XG: variants seen among roughly 807,000 people sequenced by gnomAD.
The protein encoded by XG is Xg glycoprotein (Xg blood group), also known as glycoprotein Xg.
Under a neutral mutation model 25.7 loss-of-function variants are expected in XG, and 24 were observed. The observed-to-expected ratio is 0.93, with a 90% CI of 0.68 to 1.31. The LOEUF is 1.31. Among genes scored for constraint, XG ranks in the 40% most tolerant of loss-of-function variants. The probability of loss-of-function intolerance (pLI) is 0.00; values close to 1 mark genes in which losing one functional copy is unlikely to be tolerated. For missense variants in XG, 181 were observed against 187.6 expected (o/e 0.96, Z 0.21); for synonymous variants, 77 against 69.2 (o/e 1.11, Z -0.56).
chrX:2,779,344 A>C (rs1191083127), intron 3 of XG, among the ~76,000 whole-genome samples: 7 of 151,808 alleles, frequency 4.6e-5, no homozygotes, highest in African/African-American at 1.4e-4. Flanking sequence ...AAAAAAAAAA[A>C]AAAAGCATAA....
intron 1 of XG, among the ~76,000 whole-genome samples, chrX:2,770,236 A>G (rs2050787081): frequency 1.3e-5 from 2 of 151,060 alleles, no homozygotes; most frequent in South Asian, 4.2e-4. Flanking sequence ...ATATTGTAGA[A>G]TTCTATTTAT....
chrX:2,797,308 A>T lies in XG; in HGVS notation c.323-2A>T, dbSNP rs775353213. 4.2e-6 allele frequency: 5 copies of T among 1,203,578 alleles called. No individual in the cohort carries two copies. Among genetic ancestry groups the T allele is most frequent in the Middle Eastern group, 2.3e-4 (1 of 4,339 alleles). On this transcript the variant is annotated splice_acceptor_variant, in intron 6 of 10. Coordinates refer to ENST00000644266, the MANE Select transcript of XG (RefSeq NM_001141919.2). LOFTEE classifies it high-confidence loss of function. ...CTCAACTCTACCTTCTCTGTCTAAC[A>T]GGAGGTGGCGGCGGTGGCTACTCCA...
chrX:2,769,181 G>C (rs764480485), intron 1 of XG, among the ~76,000 whole-genome samples: 2 of 152,250 alleles, frequency 1.3e-5, no homozygotes, highest in Admixed American at 6.5e-5. Context: ...CAGCCTATAC[G>C]AATCTATGTT....
chrX:2,772,705 T>C (rs765627373), intron 2 of XG, among the ~76,000 whole-genome samples: 6 of 152,378 alleles, frequency 3.9e-5, no homozygotes, highest in African/African-American at 1.4e-4. Flanking sequence ...AAATTTTATA[T>C]GTGAGTTTCA....
chrX:2,804,965 C>T (rs188779737), intron 7 of XG, among the ~76,000 whole-genome samples: 149 of 112,527 alleles, frequency 1.3e-3, no homozygotes, highest in East Asian at 5.4e-3. Context: ...CGCTTGTTTT[C>T]GAGGATGCCT....
chrX:2,767,048 G>A (rs1488532117), intron 1 of XG, among the ~76,000 whole-genome samples: 1 of 147,784 alleles, frequency 6.8e-6, no homozygotes, highest in South Asian at 2.1e-4. Flanking sequence ...GAGAAGTTCC[G>A]AGAGAAACTT....
chrX:2,757,945 C>G (rs1167379046), intron 1 of XG, among the ~76,000 whole-genome samples: 5 of 138,660 alleles, frequency 3.6e-5, no homozygotes, highest in Non-Finnish European at 6.0e-5. Context: ...GCACTCCAGC[C>G]TGGGTGACAG....
At chrX:2,780,653 G>A (rs902080132) in intron 3 of XG, among the ~76,000 whole-genome samples, 2 of 151,830 alleles carry the variant, frequency 1.3e-5, no homozygotes, top group Non-Finnish European at 2.9e-5. Context: ...AGGAGGCGGA[G>A]GTTGCAGGGA....
intron 5 of XG, among the ~76,000 whole-genome samples, chrX:2,791,636 A>G (rs1269723387): frequency 9.2e-6 from 1 of 109,155 alleles, no homozygotes; most frequent in Non-Finnish European, 1.9e-5. Flanking sequence ...ACACCGTGCA[A>G]TTGTGTTTAG....
intron 3 of XG, among the ~76,000 whole-genome samples, chrX:2,779,550 G>A (rs1024304529): frequency 2.6e-4 from 40 of 152,056 alleles, no homozygotes; most frequent in African/African-American, 6.8e-4. Flanking sequence ...GTTTTAAGAC[G>A]CCTTCTTCCC....
rs764747500 is a variant in XG at position 2,792,537 on chromosome X, C to A, written c.254-1998C>A. ...TTTCTTTTTCTTTTTCTTTCTTTTTCTTTTTCTTTGTGTGTGTGTGTGTGT... is the reference window on the plus strand; with the variant it reads ...TTTCTTTTTCTTTTTCTTTCTTTTTATTTTTCTTTGTGTGTGTGTGTGTGT... On this transcript the variant is annotated intron_variant, in intron 5 of 10. Transcript: ENST00000644266. Among the ~76,000 whole-genome samples the A allele has an allele frequency of 3.9e-5, 3 of 77,180 alleles. No homozygotes were observed. In the South Asian group the frequency reaches 1.8e-3, roughly 45 times the overall value. The allele number at this position is 77,180 out of a possible 115,157, so 67.0% of individuals were successfully genotyped here. A position where few individuals can be genotyped will look rare whatever the true frequency, so the allele number is the denominator to read the frequency against.
chrX:2,801,134 G>A (rs1365596772), intron 7 of XG, among the ~76,000 whole-genome samples: 1 of 110,880 alleles, frequency 9.0e-6, no homozygotes, highest in Non-Finnish European at 1.9e-5. Flanking sequence ...GACGGGAATC[G>A]CAATAGAGAA....
At chrX:2,796,522 A>G (rs2086888777) in intron 6 of XG, among the ~76,000 whole-genome samples, 1 of 108,874 alleles carries the variant, frequency 9.2e-6, no homozygotes, top group Admixed American at 1.0e-4. Flanking sequence ...ATGTACATTT[A>G]TCTTTATACA....
chrX:2,758,627 G>C (rs1273037335), intron 1 of XG, among the ~76,000 whole-genome samples: 1 of 152,214 alleles, frequency 6.6e-6, no homozygotes, highest in Non-Finnish European at 1.5e-5. Flanking sequence ...TTTATCCACA[G>C]GGACACTTGT....
intron 1 of XG, among the ~76,000 whole-genome samples, chrX:2,752,611 A>G (rs1157644786): frequency 6.6e-6 from 1 of 152,164 alleles, no homozygotes; most frequent in Non-Finnish European, 1.5e-5. Flanking sequence ...CATGTGTCCC[A>G]AGCGTTTAAA....
intron 1 of XG, chrX:2,752,833 A>T (rs903764057): frequency 5.7e-6 from 4 of 696,572 alleles, no homozygotes; most frequent in Non-Finnish European, 7.1e-6. Context: ...AAACACTGTC[A>T]TTCATTCTTG....
At chrX:2,767,009 G>T (rs2050714301) in intron 1 of XG, among the ~76,000 whole-genome samples, 1 of 152,116 alleles carries the variant, frequency 6.6e-6, no homozygotes, top group Admixed American at 6.6e-5. Flanking sequence ...TGCCTTAGGG[G>T]AGAATGGGAC....
chrX:2,777,994 A>G (rs1170743098), intron 3 of XG, among the ~76,000 whole-genome samples: 2 of 152,234 alleles, frequency 1.3e-5, no homozygotes, highest in Non-Finnish European at 2.9e-5. Context: ...AAATGCGCAA[A>G]GCAAATAACC....
At chrX:2,775,917 C>T (rs1037372314) in intron 3 of XG, among the ~76,000 whole-genome samples, 6 of 143,576 alleles carry the variant, frequency 4.2e-5, no homozygotes, top group African/African-American at 1.6e-4. Context: ...GATCATGCCA[C>T]TGCACTCCAA....
Sources: gnomAD v4.1 joint callset for allele counts (sites outside exome capture counted in the v4.1 genomes callset) on GRCh38, gnomAD v4.1.1 for gene constraint, MANE v1.5 for transcripts, NCBI Gene and HGNC (gene_info 2026-07-23, HGNC 2026-07-21) for gene names.